DGKG: variants seen among roughly 807,000 people sequenced by gnomAD.
The protein encoded by DGKG is diacylglycerol kinase gamma.
Under a neutral mutation model 105.3 loss-of-function variants are expected in DGKG, and 78 were observed. The ratio of observed to expected loss-of-function variants is 0.74; its 90% CI spans 0.62 to 0.89. The LOEUF (loss-of-function observed/expected upper bound fraction) is 0.89, where lower values mean the gene tolerates loss of function less well. Among genes scored for constraint, DGKG ranks in the 40% least tolerant of loss-of-function variants. The pLI, the probability that DGKG is intolerant of heterozygous loss-of-function variation, is 0.00. For missense variants in DGKG, 958 were observed against 1,020.1 expected (o/e 0.94, Z 0.83); for synonymous variants, 346 against 367.1 (o/e 0.94, Z 0.66).
Position 186,291,198 on chromosome 3 carries a change from A to G in DGKG, c.374-2318T>C, listed in dbSNP as rs111611036. On this transcript the variant is annotated intron_variant, in intron 5 of 24. Transcript: ENST00000265022. ...CCATAAATTCTATACAAATTCTTCC[A>G]GAAAATTTAAGAGGAGGGAATCCTA... Among the ~76,000 whole-genome samples the G allele has an allele frequency of 7.8e-3, 1,187 of 152,230 alleles. 23 individuals carry two copies. Among genetic ancestry groups the G allele is most frequent in the African/African-American group, 0.027 (1,119 of 41,560 alleles).
chr3:186,160,326 C>A (rs749439096), intron 24 of DGKG: 39 of 985,252 alleles, frequency 4.0e-5, no homozygotes, highest in Non-Finnish European at 4.7e-5. Context: ...GGTTTGATTT[C>A]TTCCACCTTT....
Position 186,203,365 on chromosome 3 carries a change from G to A in DGKG, c.1917+8430C>T, listed in dbSNP as rs1300949381. On this transcript the variant is annotated intron_variant, in intron 21 of 24. Transcript: ENST00000265022. The surrounding 1 kb of genome is among the most constrained non-coding windows in gnomAD (Gnocchi z 4.9). ...TTGAAACGAGGCCAATGTTGTAGCAGTGCTGATTCCTGGTTGGTGGGATTG... is the reference window on the plus strand; with the variant it reads ...TTGAAACGAGGCCAATGTTGTAGCAATGCTGATTCCTGGTTGGTGGGATTG... 6.6e-6 allele frequency among the ~76,000 whole-genome samples: 1 copy of A among 152,230 alleles called. No homozygotes were observed. The highest frequency in any genetic ancestry group is 1.5e-5 in the Non-Finnish European group (1 of 68,044).
chr3:186,342,941 A>G (rs1726152957), intron 1 of DGKG, among the ~76,000 whole-genome samples: 1 of 152,214 alleles, frequency 6.6e-6, no homozygotes, highest in South Asian at 2.1e-4. Flanking sequence ...CTTAGAAAAA[A>G]AGGAAAAGAA....
chr3:186,319,821 A>G (rs1187721403), intron 2 of DGKG, among the ~76,000 whole-genome samples: 3 of 152,264 alleles, frequency 2.0e-5, no homozygotes, highest in Non-Finnish European at 4.4e-5. Context: ...TGGGAAACCA[A>G]GAGCCCCAAG....
chr3:186,348,459 T>A (rs1183257716), intron 1 of DGKG, among the ~76,000 whole-genome samples: 1 of 147,800 alleles, frequency 6.8e-6, no homozygotes, highest in Non-Finnish European at 1.5e-5. Context: ...ATCTTTTTTT[T>A]TTTTTTTTTT....
At chr3:186,279,160 C>G (rs1373727705) in intron 9 of DGKG, 1 of 152,182 alleles carries the variant, frequency 6.6e-6, no homozygotes, top group Non-Finnish European at 1.5e-5. Context: ...TTAAGGCCAC[C>G]TGCTCTTTAT....
intron 1 of DGKG, among the ~76,000 whole-genome samples, chr3:186,327,688 T>C (rs1397068964): frequency 1.3e-5 from 2 of 151,952 alleles, no homozygotes; most frequent in Non-Finnish European, 2.9e-5. Context: ...GCTGAGATTA[T>C]ATGTGAGCCT....
intron 5 of DGKG, 134 bp from the exon 6 acceptor site, chr3:186,289,014 G>C: frequency 3.6e-6 from 3 of 827,036 alleles, no homozygotes; most frequent in Non-Finnish European, 5.6e-6. Context: ...TGGTTACATA[G>C]ATGTGACCAA....
At chr3:186,191,041 C>A (rs2108502806) in intron 21 of DGKG, among the ~76,000 whole-genome samples, 1 of 152,188 alleles carries the variant, frequency 6.6e-6, no homozygotes, top group East Asian at 1.9e-4. Flanking sequence ...TTTCATGCCT[C>A]ATCTTTCATA....
intron 21 of DGKG, among the ~76,000 whole-genome samples, chr3:186,193,769 C>G (rs1718029008): frequency 6.6e-6 from 1 of 152,208 alleles, no homozygotes; most frequent in Non-Finnish European, 1.5e-5. Flanking sequence ...TGTTCCATGA[C>G]GTCATCGGGC....
chr3:186,324,084 G>C (rs1014609500), intron 1 of DGKG, among the ~76,000 whole-genome samples: 1 of 147,514 alleles, frequency 6.8e-6, no homozygotes, highest in African/African-American at 2.5e-5. Flanking sequence ...CTCCAGCCTG[G>C]CGACAGAGTG....
At chr3:186,317,708 G>T (rs188245086) in intron 2 of DGKG, among the ~76,000 whole-genome samples, 1 of 152,238 alleles carries the variant, frequency 6.6e-6, no homozygotes, top group East Asian at 1.9e-4. Flanking sequence ...CTCCCACCAG[G>T]CTGAGCGGGG....
intron 1 of DGKG, among the ~76,000 whole-genome samples, chr3:186,335,996 T>C (rs1725815542): frequency 6.6e-6 from 1 of 152,034 alleles, no homozygotes; most frequent in Non-Finnish European, 1.5e-5. Context: ...TACTTGGGAG[T>C]GGTGCTGGCA....
chr3:186,260,580 C>G, intron 15 of DGKG, 67 bp from the exon 16 acceptor site: 2 of 1,235,560 alleles, frequency 1.6e-6, no homozygotes, highest in Non-Finnish European at 2.3e-6. Flanking sequence ...CGTGAGAAGT[C>G]ACATTAGGGC....
intron 21 of DGKG, among the ~76,000 whole-genome samples, chr3:186,204,187 T>G (rs1560093432): frequency 6.6e-6 from 1 of 152,152 alleles, no homozygotes; most frequent in Non-Finnish European, 1.5e-5. Flanking sequence ...GGCAGGTAGA[T>G]CTATTGAGGT....
At chr3:186,307,881 C>CTTTT (rs3216624) in intron 2 of DGKG, among the ~76,000 whole-genome samples, 1 of 144,534 alleles carries the variant, frequency 6.9e-6, no homozygotes. Context: ...AACTCTGTCC[C>CTTTT]TTTTTTTTTT....
At chr3:186,232,629 C>T (rs1486482269) in intron 20 of DGKG, among the ~76,000 whole-genome samples, 1 of 151,930 alleles carries the variant, frequency 6.6e-6, no homozygotes, top group Non-Finnish European at 1.5e-5. Flanking sequence ...TTTAACTTTT[C>T]TGAACTTTCC....
intron 22 of DGKG, among the ~76,000 whole-genome samples, chr3:186,170,307 C>G (rs1406218081): frequency 1.3e-5 from 2 of 152,206 alleles, no homozygotes; most frequent in African/African-American, 4.8e-5. Context: ...TTGGGTGGAT[C>G]ATTCCCATTG....
In DGKG at chr3:186,147,987, T is replaced by C. The variant is rs1359564810; in HGVS notation, c.*2103A>G. On this transcript the variant is annotated 3_prime_UTR_variant, in exon 25 of 25. Transcript: ENST00000265022. Reference sequence around the variant, plus strand: ...GCAGAATGGTCCAAGATCTTGCTCCTAGGTGGTCCTTCACAGTTAAGTGCC... The same window carrying C: ...GCAGAATGGTCCAAGATCTTGCTCCCAGGTGGTCCTTCACAGTTAAGTGCC... The C allele has an allele frequency of 1.0e-6, 1 of 985,472 alleles. No homozygotes were observed. Among genetic ancestry groups the C allele is most frequent in the Non-Finnish European group, 1.2e-6 (1 of 829,942 alleles). The allele number at this position is 985,472 out of a possible 1,614,324, so 61.0% of individuals were successfully genotyped here.
Sources: gnomAD v4.1 joint callset for allele counts (sites outside exome capture counted in the v4.1 genomes callset) on GRCh38, gnomAD v4.1.1 for gene constraint, Gnocchi (gnomAD v3.1) non-coding constraint, MANE v1.5 for transcripts, NCBI Gene and HGNC (gene_info 2026-07-23, HGNC 2026-07-21) for gene names.